Variants in CHD8 observed in about 807,000 individuals in gnomAD.
The protein encoded by CHD8 is ATP-dependent chromatin remodeler CHD8.
A neutral mutation model predicts 279.2 loss-of-function variants in CHD8; 31 were observed. The observed-to-expected ratio is 0.11, with a 90% CI of 0.08 to 0.15. The LOEUF is 0.15. CHD8 is among the 10% of genes least tolerant of loss of function. The pLI, the probability that CHD8 is intolerant of heterozygous loss-of-function variation, is 1.00. For missense variants in CHD8, 2,146 were observed against 3,230.5 expected, an observed-to-expected ratio of 0.66 and a Z score of 8.14; for synonymous variants, 1,081 against 1,139.6, an observed-to-expected ratio of 0.95 and a Z score of 1.04.
In CHD8 at chr14:21,427,966, G is replaced by A. The variant is rs564066989; in HGVS notation, c.1504C>T (p.Arg502Cys). Residue 502 changes from arginine to cysteine, a missense_variant, in exon 4 of 38, where the codon CGC (arginine) becomes TGC (cysteine). By Grantham distance (180) the Arg-to-Cys change is radical (BLOSUM62 -3). Transcript: ENST00000646647. Reference sequence around the variant, plus strand: ...CTCTCCCCAGCACTCTTCTTCCTGCGTTTCTTCTCGCCTTCCTCCTCTGGC... The same window carrying A: ...CTCTCCCCAGCACTCTTCTTCCTGCATTTCTTCTCGCCTTCCTCCTCTGGC... ...VRPEEEGEKK[R>C]RKKSAGERLK... 22 of 1,614,004 alleles carry A rather than the reference G, an allele frequency of 1.4e-5. No homozygotes were observed. The highest frequency in any genetic ancestry group is 4.5e-5 in the East Asian group (2 of 44,890).
chr14:21,451,441 C>T (rs149854912), intron 1 of CHD8, among the ~76,000 whole-genome samples: 2,580 of 151,512 alleles, frequency 0.017, 75 homozygotes, highest in African/African-American at 0.058. Context: ...CATGGTGGCA[C>T]GCGCCTATAG....
chr14:21,453,279 A>C (rs2139578215), intron 1 of CHD8, among the ~76,000 whole-genome samples: 1 of 152,080 alleles, frequency 6.6e-6, no homozygotes, highest in South Asian at 2.1e-4. Flanking sequence ...AATATGGTGA[A>C]ACCCCGTCTC....
At chr14:21,426,475 G>T (rs1384680707) in intron 4 of CHD8, 5 of 442,976 alleles carry the variant, frequency 1.1e-5, no homozygotes, top group Non-Finnish European at 2.0e-5. Flanking sequence ...TTATTACTGT[G>T]TTCACAAATA....
chr14:21,437,995 C>CT (rs2139557192), intron 1 of CHD8, among the ~76,000 whole-genome samples: 1 of 152,260 alleles, frequency 6.6e-6, no homozygotes, highest in East Asian at 1.9e-4. Flanking sequence ...TGAAATCACT[C>CT]TAATTCCCAG....
rs1027979929 is a variant in CHD8 at position 21,386,134 on chromosome 14, G to A, written c.7225C>T (p.Pro2409Ser). Residue 2409 changes from proline (P) to serine (S), a missense_variant, in exon 38 of 38, where the codon CCT becomes TCT. Pro to Ser is a moderately conservative substitution (Grantham distance 74). This residue lies in a region of CHD8 where 336 missense variants were observed against 392.9 expected (regional missense o/e 0.86). Coordinates refer to ENST00000646647, the MANE Select transcript of CHD8 (RefSeq NM_001170629.2). The part of the protein sequence containing the change: ...ETVFNRVLPG[P>S]IAPESSKKRA... ...TTCTTGCTGCTCTCTGGTGCAATAG[G>A]CCCTGGCAAAACCCGGTTGAACACC... 2.6e-6 allele frequency: 4 copies of A among 1,552,756 alleles called. No homozygotes were observed. Among genetic ancestry groups the A allele is most frequent in the Non-Finnish European group, 3.5e-6 (4 of 1,147,612 alleles).
intron 1 of CHD8, among the ~76,000 whole-genome samples, chr14:21,455,747 T>C (rs1890373001): frequency 6.6e-6 from 1 of 151,602 alleles, no homozygotes; most frequent in African/African-American, 2.4e-5. Context: ...CTACGCCCAG[T>C]AATGCAATGA....
intron 26 of CHD8, 26 bp downstream of exon 26, chr14:21,399,576 G>A (rs757521495): frequency 2.0e-6 from 3 of 1,494,636 alleles, no homozygotes; most frequent in Non-Finnish European, 2.8e-6. Flanking sequence ...CAGTCGGAAA[G>A]GAGTAGAATA....
intron 5 of CHD8, 173 bp from the exon 6 acceptor site, chr14:21,416,080 G>C: frequency 1.8e-6 from 1 of 548,438 alleles, no homozygotes; most frequent in Non-Finnish European, 3.2e-6. Context: ...GCTATGTACT[G>C]ACCATATATC....
intron 5 of CHD8, among the ~76,000 whole-genome samples, chr14:21,423,048 C>T (rs1216506968): frequency 1.3e-5 from 2 of 151,820 alleles, no homozygotes; most frequent in African/African-American, 4.8e-5. Context: ...ATGGCGAAAC[C>T]CTGTCTACTA....
Position 21,385,521 on chromosome 14 carries a change from T to A in CHD8, c.*92A>T. On this transcript the variant is annotated 3_prime_UTR_variant, in exon 38 of 38. Coordinates refer to ENST00000646647, the MANE Select transcript of CHD8 (RefSeq NM_001170629.2). ...TCCTGGAGTCCTGGACTTCCCCACA[T>A]CTCCCCTGCCCCTCCCACGTTTCCA... The A allele has an allele frequency of 7.1e-7, 1 of 1,412,526 alleles. No homozygotes were observed. Among genetic ancestry groups the A allele is most frequent in the Non-Finnish European group, 9.3e-7 (1 of 1,080,522 alleles). The allele number at this position is 1,412,526 out of a possible 1,614,324, so 87.5% of individuals were successfully genotyped here. A position where few individuals can be genotyped will look rare whatever the true frequency, so the allele number is the denominator to read the frequency against.
At chr14:21,391,149 A>T (rs1887519518) in intron 36 of CHD8, 86 bp from the exon 37 acceptor site, 1 of 897,074 alleles carries the variant, frequency 1.1e-6, no homozygotes, top group Admixed American at 2.1e-5. Flanking sequence ...TTGTTTGATA[A>T]TAAACACTTA....
In CHD8 at chr14:21,385,541, T is replaced by A; in HGVS notation, c.*72A>T. 1 of 1,471,524 alleles carries A rather than the reference T, an allele frequency of 6.8e-7. No homozygotes were observed. Among genetic ancestry groups the A allele is most frequent in the East Asian group, 2.5e-5 (1 of 40,256 alleles). The allele number at this position is 1,471,524 out of a possible 1,614,324, so 91.2% of individuals were successfully genotyped here. On this transcript the variant is annotated 3_prime_UTR_variant, in exon 38 of 38. Coordinates refer to ENST00000646647, the MANE Select transcript of CHD8 (RefSeq NM_001170629.2). ...CCACATCTCCCCTGCCCCTCCCACG[T>A]TTCCATAGTCCAAGGGCCAGAGTAA...
intron 1 of CHD8, chr14:21,437,059 T>C: frequency 1.1e-5 from 1 of 87,412 alleles, no homozygotes; most frequent in Non-Finnish European, 1.8e-5. Flanking sequence ...GACGGGAAGA[T>C]GCGGGGGGTG....
At chr14:21,437,068 TG>T (rs1453569712) in intron 1 of CHD8, 21 of 148,368 alleles carry the variant, frequency 1.4e-4, no homozygotes, top group East Asian at 6.2e-4. Flanking sequence ...ATGCGGGGGG[TG>T]GGGGGTGTGG....
At chr14:21,420,650 A>G (rs1888988716) in intron 5 of CHD8, among the ~76,000 whole-genome samples, 1 of 152,234 alleles carries the variant, frequency 6.6e-6, no homozygotes, top group Non-Finnish European at 1.5e-5. Flanking sequence ...TAGGTATGGA[A>G]TATTAATATT....
At chr14:21,455,741 G>A (rs1185960525) in intron 1 of CHD8, among the ~76,000 whole-genome samples, 1 of 151,460 alleles carries the variant, frequency 6.6e-6, no homozygotes, top group Non-Finnish European at 1.5e-5. Context: ...TCTACACTAC[G>A]CCCAGTAATG....
At chr14:21,389,172 C>G (rs1887416655) in intron 37 of CHD8, among the ~76,000 whole-genome samples, 1 of 151,604 alleles carries the variant, frequency 6.6e-6, no homozygotes, top group South Asian at 2.1e-4. Context: ...TGGTTGCACA[C>G]ACCTGTAATC....
At chr14:21,398,650 T>A (rs1034255721) in intron 26 of CHD8, 1 of 152,228 alleles carries the variant, frequency 6.6e-6, no homozygotes, top group Non-Finnish European at 1.5e-5. Context: ...ATTCACAAAG[T>A]CACTTGGCTG....
intron 37 of CHD8, among the ~76,000 whole-genome samples, chr14:21,387,656 AAAAG>A (rs1490667927): frequency 1.3e-5 from 2 of 150,812 alleles, no homozygotes; most frequent in African/African-American, 4.9e-5. Context: ...AAAAAAAAAA[AAAAG>A]CTGGGTGTGG....
Sources: gnomAD v4.1 joint callset for allele counts (sites outside exome capture counted in the v4.1 genomes callset) on GRCh38, gnomAD v4.1.1 for gene constraint, gnomAD v4.1.1 regional missense constraint, MANE v1.5 for transcripts, NCBI Gene and HGNC (gene_info 2026-07-23, HGNC 2026-07-21) for gene names.